GTPBP10: variants seen among roughly 807,000 people sequenced by gnomAD.
The protein encoded by GTPBP10 is GTP-binding protein 10.
A neutral mutation model predicts 44.8 loss-of-function variants in GTPBP10; 38 were observed. That is an observed-to-expected ratio of 0.85 (90% CI 0.65 to 1.11). The LOEUF (loss-of-function observed/expected upper bound fraction) is 1.11. Ranked by LOEUF, GTPBP10 falls within the 50% of genes most tolerant of loss-of-function variation. The probability of loss-of-function intolerance (pLI) is 0.00; values close to 1 mark genes in which losing one functional copy is unlikely to be tolerated. For synonymous variants in GTPBP10, 152 were observed against 150.6 expected, an observed-to-expected ratio of 1.01 and a Z score of -0.07; for missense variants, 462 against 453.7, an observed-to-expected ratio of 1.02 and a Z score of -0.17.
chr7:90,355,982 C>A (rs1185235569), intron 4 of GTPBP10, among the ~76,000 whole-genome samples: 1 of 151,030 alleles, frequency 6.6e-6, no homozygotes, highest in African/African-American at 2.4e-5. Flanking sequence ...TATCCTCTCC[C>A]TCTGGCCCTA....
intron 2 of GTPBP10, 110 bp from the exon 3 acceptor site, chr7:90,354,348 T>G: frequency 2.1e-6 from 1 of 477,790 alleles, no homozygotes; most frequent in Non-Finnish European, 3.6e-6. Flanking sequence ...ACATCTGCGT[T>G]AACCAGAGAA....
chr7:90,375,315 A>G (rs568045237), intron 6 of GTPBP10, among the ~76,000 whole-genome samples: 2 of 152,248 alleles, frequency 1.3e-5, no homozygotes, highest in Admixed American at 6.5e-5. Flanking sequence ...GTATGATACT[A>G]TATAATATTA....
chr7:90,375,741 A>T (rs545602996), intron 6 of GTPBP10, among the ~76,000 whole-genome samples: 1 of 152,092 alleles, frequency 6.6e-6, no homozygotes, highest in African/African-American at 2.4e-5. Flanking sequence ...ATTTATCTAC[A>T]CTGGGCAAGG....
chr7:90,389,835 T>C lies in GTPBP10; in HGVS notation c.*4681T>C, dbSNP rs1018846830. ...TCTTTTTAGAGACAGGGTCTCTCTG[T>C]GGAGTGCAGTGGCATGATTATAGCC... On this transcript the variant is annotated 3_prime_UTR_variant, in exon 10 of 10. Coordinates refer to ENST00000222511, the MANE Select transcript of GTPBP10 (RefSeq NM_033107.4). 2.0e-5 allele frequency: 3 copies of C among 152,230 alleles called. No individual in the cohort carries two copies. Among genetic ancestry groups the C allele is most frequent in the African/African-American group, 7.2e-5 (3 of 41,456 alleles). 9.4% of individuals were successfully genotyped at this position (152,230 alleles called of 1,614,324 possible). A position where few individuals can be genotyped will look rare whatever the true frequency, so the allele number is the denominator to read the frequency against.
chr7:90,381,063 C>T (rs1030787393), intron 8 of GTPBP10, among the ~76,000 whole-genome samples: 9 of 152,064 alleles, frequency 5.9e-5, no homozygotes, highest in Non-Finnish European at 1.2e-4. Context: ...TTCCATGTCT[C>T]GGCTATTGTG....
At chr7:90,384,815 A>G in intron 9 of GTPBP10, 77 bp from the exon 10 acceptor site, 1 of 1,430,544 alleles carries the variant, frequency 7.0e-7, no homozygotes, top group Admixed American at 2.4e-5. Flanking sequence ...CCTGCTTCAC[A>G]AATCAAACCA....
intron 1 of GTPBP10, among the ~76,000 whole-genome samples, chr7:90,348,126 G>C (rs1013952812): frequency 6.6e-6 from 1 of 152,154 alleles, no homozygotes; most frequent in Non-Finnish European, 1.5e-5. Flanking sequence ...TGGGAGAATT[G>C]CTTGAGCCCA....
At chr7:90,365,673 G>T (rs1054576211) in intron 4 of GTPBP10, among the ~76,000 whole-genome samples, 1 of 152,176 alleles carries the variant, frequency 6.6e-6, no homozygotes, top group Admixed American at 6.5e-5. Flanking sequence ...ACCGCGCCCG[G>T]CCGGGGTTTT....
Position 90,384,890 on chromosome 7 carries a change from A to G in GTPBP10, c.902-2A>G, listed in dbSNP as rs1796496032. The G allele has an allele frequency of 1.9e-6, 3 of 1,586,144 alleles. No individual in the cohort carries two copies. Among genetic ancestry groups the G allele is most frequent in the Non-Finnish European group, 2.6e-6 (3 of 1,168,202 alleles). ...CAGCTTTGTTTGTGCTCTTTCTTTT[A>G]GATTTTCTGCATTTATTTGAAAAAA... On this transcript the variant is annotated splice_acceptor_variant, in intron 9 of 9. Coordinates refer to ENST00000222511, the MANE Select transcript of GTPBP10 (RefSeq NM_033107.4). LOFTEE classifies it high-confidence loss of function.
chr7:90,385,186 T>C lies in GTPBP10; in HGVS notation c.*32T>C. 6.9e-7 allele frequency: 1 copy of C among 1,449,220 alleles called. No individual in the cohort carries two copies. The highest frequency in any genetic ancestry group is 1.3e-5 in the South Asian group (1 of 75,908). The allele number at this position is 1,449,220 out of a possible 1,614,324, so 89.8% of individuals were successfully genotyped here. On this transcript the variant is annotated 3_prime_UTR_variant, in exon 10 of 10. Coordinates refer to ENST00000222511, the MANE Select transcript of GTPBP10 (RefSeq NM_033107.4). Reference sequence around the variant, plus strand: ...TAAAAATGGTATTGATGGAACAGTATTTAATGCTTAAAAACAAGGAAATCC... The same window carrying C: ...TAAAAATGGTATTGATGGAACAGTACTTAATGCTTAAAAACAAGGAAATCC...
intron 6 of GTPBP10, among the ~76,000 whole-genome samples, chr7:90,377,204 AC>A (rs1302239113): frequency 6.6e-6 from 1 of 152,196 alleles, no homozygotes; most frequent in East Asian, 1.9e-4. Flanking sequence ...AGCCTGGGTG[AC>A]AGAGCAAGAT....
chr7:90,352,816 T>C lies in GTPBP10; in HGVS notation c.34T>C (p.Tyr12His), dbSNP rs1795816809. 2 of 1,584,662 alleles carry C rather than the reference T, an allele frequency of 1.3e-6. No homozygotes were observed. Among genetic ancestry groups the C allele is most frequent in the Admixed American group, 3.8e-5 (2 of 53,032 alleles). ...ATATTCTTTCTCTTTTTTTTTTAAG[T>C]ATGGAAATTTCATCGATAAGCTAAG... ...VHCSCVLFRK[Y>H]GNFIDKLRLF... Residue 12 changes from tyrosine (Y) to histidine (H), a missense_variant and splice_region_variant, in exon 2 of 10, where the codon TAT becomes CAT. Tyr to His is a moderately conservative substitution (Grantham distance 83). Coordinates refer to ENST00000222511, the MANE Select transcript of GTPBP10 (RefSeq NM_033107.4).
At chr7:90,372,518 A>C (rs17867196) in intron 5 of GTPBP10, among the ~76,000 whole-genome samples, 25,015 of 126,378 alleles carry the variant, frequency 0.2, 2,331 homozygotes, top group South Asian at 0.21. Context: ...GGGTTTCGCC[A>C]TGTTGCCCAG....
chr7:90,377,472 T>G, intron 6 of GTPBP10, 35 bp from the exon 7 acceptor site: 1 of 1,432,686 alleles, frequency 7.0e-7, no homozygotes, highest in South Asian at 1.3e-5. Context: ...TTTCATACAT[T>G]TTCCTTTTTC....
rs200885252 is a variant in GTPBP10, at chr7:90,372,137, T to C, written c.465-18T>C. On this transcript the variant is annotated intron_variant, in intron 4 of 9. Transcript: ENST00000222511. ...AATAATATTGACATTTGTGTATAATTTTATATTCTTGTTTCAGATTCCCAA... is the reference window on the plus strand; with the variant it reads ...AATAATATTGACATTTGTGTATAATCTTATATTCTTGTTTCAGATTCCCAA... The C allele has an allele frequency of 2.0e-6, 3 of 1,523,358 alleles. No homozygotes were observed. Among genetic ancestry groups the C allele is most frequent in the Non-Finnish European group, 2.7e-6 (3 of 1,102,754 alleles). The allele number at this position is 1,523,358 out of a possible 1,614,324, so 94.4% of individuals were successfully genotyped here. A position where few individuals can be genotyped will look rare whatever the true frequency, so the allele number is the denominator to read the frequency against.
chr7:90,377,868 CTGA>C (rs1418556046), intron 7 of GTPBP10: 1 of 311,564 alleles, frequency 3.2e-6, no homozygotes, highest in Admixed American at 6.5e-5. Context: ...TCATTCTTCA[CTGA>C]TGATGCTAGA....
intron 2 of GTPBP10, 181 bp downstream of exon 2, chr7:90,353,190 GTT>G (rs1386763124): frequency 9.0e-6 from 4 of 442,176 alleles, no homozygotes; most frequent in Non-Finnish European, 1.6e-5. Flanking sequence ...ATATTTCAGA[GTT>G]TTAAAACTTT....
intron 4 of GTPBP10, among the ~76,000 whole-genome samples, chr7:90,366,397 C>T (rs936280218): frequency 1.3e-5 from 2 of 152,080 alleles, no homozygotes; most frequent in South Asian, 2.1e-4. Context: ...GCTGTGAATC[C>T]ACCTCGTCCT....
rs184139344 is a variant in GTPBP10 at position 90,380,429 on chromosome 7, C to T, written c.777+2218C>T. 3.2e-4 allele frequency among the ~76,000 whole-genome samples: 48 copies of T among 152,302 alleles called. 2 individuals carry two copies. In the East Asian group the frequency reaches 7.5e-3, roughly 24 times the overall value. The stretch of plus-strand genomic sequence containing the variant: ...TAATTTGAAAATATTTTCTCCCCTT[C>T]TGTGACTTGTCTTTTCACTTTTTCA... On this transcript the variant is annotated intron_variant, in intron 8 of 9. Coordinates refer to ENST00000222511, the MANE Select transcript of GTPBP10 (RefSeq NM_033107.4).
Sources: gnomAD v4.1 joint callset for allele counts (sites outside exome capture counted in the v4.1 genomes callset) on GRCh38, gnomAD v4.1.1 for gene constraint, MANE v1.5 for transcripts, NCBI Gene and HGNC (gene_info 2026-07-23, HGNC 2026-07-21) for gene names.